The following BBS2 variants were observed in gnomAD, a reference collection of about 807,000 sequenced individuals.
BBS2 encodes BBSome complex member BBS2.
Under a neutral mutation model 83.0 loss-of-function variants are expected in BBS2, and 62 were observed. That is an observed-to-expected ratio of 0.75 (90% confidence interval 0.61 to 0.92). BBS2 has a LOEUF of 0.92. BBS2 is among the 40% of genes least tolerant of loss of function. The pLI is 0.00. For missense variants in BBS2, 784 were observed against 901.0 expected, an observed-to-expected ratio of 0.87 and a Z score of 1.66; for synonymous variants, 303 against 326.1, an observed-to-expected ratio of 0.93 and a Z score of 0.76.
At chr16:56,491,921 CA>C (rs1250035939) in intron 15 of BBS2, among the ~76,000 whole-genome samples, 10 of 150,676 alleles carry the variant, frequency 6.6e-5, no homozygotes, top group Non-Finnish European at 1.2e-4. Context: ...TGAAAATTAT[CA>C]AAAAAAAGAC....
chr16:56,516,691 G>A (rs191484721), intron 1 of BBS2, among the ~76,000 whole-genome samples: 71 of 152,194 alleles, frequency 4.7e-4, no homozygotes, highest in African/African-American at 1.6e-3. Context: ...ACCATGCCCG[G>A]CCAGAGATTC....
chr16:56,472,137 AT>A (rs111574935), intron 17 of BBS2, among the ~76,000 whole-genome samples: 129 of 143,902 alleles, frequency 9.0e-4, no homozygotes, highest in Middle Eastern at 3.6e-3. Flanking sequence ...AATTTTCTTG[AT>A]TTTTTTTTTT....
chr16:56,508,752 C>G (rs968574914), intron 5 of BBS2, among the ~76,000 whole-genome samples: 6 of 152,118 alleles, frequency 3.9e-5, no homozygotes, highest in Non-Finnish European at 7.4e-5. Context: ...CTCAAGGGAT[C>G]CTCCTGCCTC....
chr16:56,495,770 G>A (rs1366410885), intron 15 of BBS2, among the ~76,000 whole-genome samples: 7 of 84,468 alleles, frequency 8.3e-5, no homozygotes, highest in African/African-American at 1.3e-4. Flanking sequence ...GTATATATGT[G>A]TGTGTGTGTG....
At chr16:56,496,716 A>T (rs1023942125) in intron 15 of BBS2, among the ~76,000 whole-genome samples, 1 of 152,352 alleles carries the variant, frequency 6.6e-6, no homozygotes, top group Non-Finnish European at 1.5e-5. Context: ...TGCCTTTACA[A>T]ATATTCTTAT....
In BBS2 at chr16:56,498,521, G is replaced by A. The variant is rs1964175461; in HGVS notation, c.1575C>T (p.His525=). The change falls in exon 13 of 17, where the codon CAC becomes CAT. Residue 525 remains histidine, a synonymous_variant. Coordinates refer to ENST00000245157, the MANE Select transcript of BBS2 (RefSeq NM_031885.5). ...ACACTTGAAATGGAGCATTCTGAATGTGAGTGTCTTCTGGTAACAGAAAGT... is the reference window on the plus strand; with the variant it reads ...ACACTTGAAATGGAGCATTCTGAATATGAGTGTCTTCTGGTAACAGAAAGT... The part of the protein sequence containing the change: ...GQNFLLPEDT[H]IQNAPFQVCF... 1.2e-6 allele frequency: 2 copies of A among 1,613,942 alleles called. No homozygotes were observed. Among genetic ancestry groups the A allele is most frequent in the South Asian group, 1.1e-5 (1 of 91,086 alleles).
chr16:56,474,750 TA>T, intron 17 of BBS2: 1 of 1,180,416 alleles, frequency 8.5e-7, no homozygotes, highest in South Asian at 1.5e-5. Context: ...GTATCATTCC[TA>T]ATTATGATTC....
At chr16:56,503,448 G>A (rs1278146328) in intron 7 of BBS2, among the ~76,000 whole-genome samples, 1 of 152,136 alleles carries the variant, frequency 6.6e-6, no homozygotes, top group South Asian at 2.1e-4. Context: ...CTTCCACCAT[G>A]CAACCTTTTA....
rs1260904844 is a variant in BBS2, at chr16:56,475,502, G to T, written c.*1-4807C>A. On this transcript the variant is annotated intron_variant, in intron 17 of 17. Coordinates refer to the BBS2 transcript ENST00000682047. ...TCTGAATGCTGTTTGTTTTTCTCTT[G>T]TAAGGCTGGGAGCCAGAATATGGCG... is the stretch of plus-strand genomic sequence containing the variant. 1.9e-6 allele frequency: 3 copies of T among 1,613,790 alleles called. No individual in the cohort carries two copies. In the African/African-American group the frequency reaches 4.0e-5, roughly 22 times the overall value.
chr16:56,500,297 T>G (rs1414073793), intron 11 of BBS2: 2 of 266,784 alleles, frequency 7.5e-6, no homozygotes, highest in Non-Finnish European at 1.5e-5. Flanking sequence ...AATTAAACAT[T>G]TTTTGATTAT....
chr16:56,505,897 C>CCTTG lies in BBS2; in HGVS notation c.804+49_804+52dup, dbSNP rs1964408638. 13 of 1,387,906 alleles carry CCTTG rather than the reference C, an allele frequency of 9.4e-6. No individual in the cohort carries two copies. The South Asian group carries it at 1.4e-4, about 15-fold the overall frequency. The allele number at this position is 1,387,906 out of a possible 1,614,324, so 86.0% of individuals were successfully genotyped here. A position where few individuals can be genotyped will look rare whatever the true frequency, so the allele number is the denominator to read the frequency against. On this transcript the variant is annotated intron_variant, in intron 7 of 16. Transcript: ENST00000245157. ...TGTTCTAAGTCCTACAGCCAATACA[C>CCTTG]CTTGGACAATTACTACTCTGAATTA... is the stretch of plus-strand genomic sequence containing the variant.
At chr16:56,501,601 ATAT>A (rs1446955770) in intron 9 of BBS2, 104 bp from the exon 10 acceptor site, 621 of 1,385,976 alleles carry the variant, frequency 4.5e-4, no homozygotes, top group East Asian at 8.0e-4. Flanking sequence ...AGCCTCCAGC[ATAT>A]TATTATTATT....
chr16:56,494,691 A>G (rs113502734), intron 15 of BBS2, among the ~76,000 whole-genome samples: 11,778 of 152,226 alleles, frequency 0.077, 679 homozygotes, highest in East Asian at 0.15. Flanking sequence ...GGCCGGGCGC[A>G]GTAGCTCACA....
chr16:56,490,598 G>A (rs1335869830), intron 15 of BBS2, among the ~76,000 whole-genome samples: 5 of 151,498 alleles, frequency 3.3e-5, no homozygotes, highest in African/African-American at 7.3e-5. Context: ...CCGAGATCAC[G>A]CCACTGCACT....
chr16:56,499,823 C>T lies in BBS2; in HGVS notation c.1482G>A (p.Glu494=). 2 of 1,614,178 alleles carry T rather than the reference C, an allele frequency of 1.2e-6. No individual in the cohort carries two copies. Among genetic ancestry groups the T allele is most frequent in the Non-Finnish European group, 1.7e-6 (2 of 1,180,022 alleles). The stretch of plus-strand genomic sequence containing the variant: ...TGGTAAAGTTAACATAACTGATTGG[C>T]TCACTGGCAGGGTCCAGGCTGGTCA... ...YALTSLDPAS[E]PISYVNFTIA... Residue 494 remains glutamate, a synonymous_variant, in exon 12 of 17, where the codon GAG becomes GAA. Coordinates refer to ENST00000245157, the MANE Select transcript of BBS2 (RefSeq NM_031885.5).
Position 56,501,491 on chromosome 16 carries a change from A to G in BBS2, c.1087T>C (p.Leu363=). 6.2e-7 allele frequency: 1 copy of G among 1,614,170 alleles called. No homozygotes were observed. The highest frequency in any genetic ancestry group is 8.5e-7 in the Non-Finnish European group (1 of 1,180,020). Residue 363 remains leucine, a synonymous_variant, in exon 10 of 17, where the codon TTG becomes CTG. Transcript: ENST00000245157. ...RNYEENAKAE[L]ASPLNEADGH... ...TCAGCCTCGTTCAGTGGACTGGCCA[A>G]TTCAGCCTGCAAAACACCCCACCCA...
chr16:56,506,693 C>T (rs1964431684), intron 5 of BBS2, among the ~76,000 whole-genome samples: 1 of 152,138 alleles, frequency 6.6e-6, no homozygotes, highest in East Asian at 1.9e-4. Flanking sequence ...ATACACTTTT[C>T]TTTCTATGAC....
intron 2 of BBS2, among the ~76,000 whole-genome samples, chr16:56,511,739 G>A (rs1408917412): frequency 6.6e-6 from 1 of 152,240 alleles, no homozygotes; most frequent in Non-Finnish European, 1.5e-5. Flanking sequence ...TTTCTCTGGA[G>A]AACCCTGACT....
At chr16:56,501,618 G>A in intron 9 of BBS2, 121 bp from the exon 10 acceptor site, 7 of 1,295,012 alleles carry the variant, frequency 5.4e-6, no homozygotes, top group Non-Finnish European at 7.6e-6. Context: ...TATTATTATA[G>A]TAATCTGATT....
Sources: allele counts gnomAD v4.1 joint callset (sites outside exome capture counted in the v4.1 genomes callset), GRCh38; gene constraint gnomAD v4.1.1; transcripts MANE v1.5; gene names NCBI Gene and HGNC (gene_info 2026-07-23, HGNC 2026-07-21).